Variants in TLL2 observed in about 807,000 individuals in gnomAD.
The protein encoded by TLL2 is tolloid-like protein 2.
In TLL2, 106 loss-of-function variants were observed where a neutral mutation model predicts 123.0. The observed-to-expected ratio is 0.86, with a 90% CI of 0.74 to 1.01. The LOEUF is 1.01. TLL2 is among the 50% of genes least tolerant of loss of function. TLL2 has a pLI of 0.00. For synonymous variants in TLL2, 494 were observed against 516.8 expected, an observed-to-expected ratio of 0.96 and a Z score of 0.60; for missense variants, 1,332 against 1,336.7, an observed-to-expected ratio of 1.00 and a Z score of 0.06.
At position 96,431,794 on chromosome 10, in the gene TLL2, G is replaced by A. The variant is rs145632774; in HGVS notation, c.520+1013C>T. 1.3e-4 allele frequency among the ~76,000 whole-genome samples: 20 copies of A among 152,312 alleles called. No individual in the cohort carries two copies. In the East Asian group the frequency reaches 3.9e-3, roughly 29 times the overall value. ...AGGGTCTGGGGACAGGGAGGCGCTG[G>A]TGGGGGGAGGGCAGAAGGCCTTCCT... On this transcript the variant is annotated intron_variant, in intron 4 of 20. Coordinates refer to ENST00000357947, the MANE Select transcript of TLL2 (RefSeq NM_012465.4).
chr10:96,375,408 A>G (rs1162300908), intron 18 of TLL2: 1 of 152,190 alleles, frequency 6.6e-6, no homozygotes, highest in Non-Finnish European at 1.5e-5. Context: ...AGCCTCGGGC[A>G]AACGCTTCCC....
At chr10:96,386,853 C>A in intron 14 of TLL2, 100 bp downstream of exon 14, 1 of 1,544,938 alleles carries the variant, frequency 6.5e-7, no homozygotes, top group Non-Finnish European at 8.9e-7. Flanking sequence ...CATTGCCCAT[C>A]GTTCCTACAC....
chr10:96,386,786 C>T (rs1469458651), intron 14 of TLL2, among the ~76,000 whole-genome samples, 167 bp downstream of exon 14: 1 of 152,224 alleles, frequency 6.6e-6, no homozygotes. Flanking sequence ...ACATTTGTGA[C>T]AGCTGTCAGG....
chr10:96,476,473 G>A (rs1847253278), intron 2 of TLL2, among the ~76,000 whole-genome samples: 1 of 151,204 alleles, frequency 6.6e-6, no homozygotes, highest in Non-Finnish European at 1.5e-5. Context: ...TGTTGGCCAG[G>A]CTGGTCTTGA....
chr10:96,502,301 C>T (rs1007880512), intron 1 of TLL2, among the ~76,000 whole-genome samples: 6 of 152,266 alleles, frequency 3.9e-5, no homozygotes, highest in Admixed American at 6.5e-5. Flanking sequence ...ATTAAAGGAT[C>T]CTAAGCAGGT....
chr10:96,423,084 C>T (rs1469626298), intron 5 of TLL2, among the ~76,000 whole-genome samples: 3 of 147,494 alleles, frequency 2.0e-5, no homozygotes, highest in Admixed American at 6.9e-5. Context: ...GCCAAGATCA[C>T]GCCACTGCAC....
intron 16 of TLL2, among the ~76,000 whole-genome samples, chr10:96,379,860 C>T (rs1470174576): frequency 5.9e-5 from 9 of 152,198 alleles, no homozygotes; most frequent in Admixed American, 2.6e-4. Flanking sequence ...AGGAAACTGA[C>T]GCTGAGAATG....
At position 96,373,739 on chromosome 10, in the gene TLL2, G is replaced by A. The variant is rs748097625; in HGVS notation, c.2519C>T (p.Pro840Leu). The A allele has an allele frequency of 2.3e-5, 37 of 1,614,108 alleles. No individual in the cohort carries two copies. The highest frequency in any genetic ancestry group is 1.7e-5 in the Admixed American group (1 of 60,014). Residue 840 changes from proline to leucine, a missense_variant, in exon 19 of 21, where the codon CCG becomes CTG. Physicochemically the swap from Pro to Leu is moderately conservative, Grantham distance 98. Transcript: ENST00000357947. ...GCCCAGAATGGGGGCCAGGCTGTCC[G>A]GCCCGTCATACATTTCCAGGTGGTC... ...AYDHLEMYDG[P>L]DSLAPILGRF...
At chr10:96,398,810 G>A (rs1846363642) in intron 10 of TLL2, among the ~76,000 whole-genome samples, 1 of 152,052 alleles carries the variant, frequency 6.6e-6, no homozygotes, top group Admixed American at 6.6e-5. Context: ...GGGGGCAATG[G>A]GGAATGGGAA....
chr10:96,384,166 G>T (rs1846209117), intron 16 of TLL2, among the ~76,000 whole-genome samples: 1 of 152,156 alleles, frequency 6.6e-6, no homozygotes, highest in Non-Finnish European at 1.5e-5. Context: ...AAGGGCATGT[G>T]AAGATGGAGA....
chr10:96,386,896 C>T (rs145639873), intron 14 of TLL2, 57 bp downstream of exon 14: 38 of 1,597,446 alleles, frequency 2.4e-5, no homozygotes, highest in Admixed American at 5.0e-5. Context: ...TGCCCCACTT[C>T]CCCAAAGACT....
intron 1 of TLL2, among the ~76,000 whole-genome samples, chr10:96,494,272 G>A (rs1452969881): frequency 6.6e-6 from 1 of 152,188 alleles, no homozygotes; most frequent in Admixed American, 6.5e-5. Flanking sequence ...GGGAGACTTC[G>A]AGCCAGGCAG....
rs552129166 is a variant in TLL2, at chr10:96,388,985, T to C, written c.1727-1907A>G. Among the ~76,000 whole-genome samples the C allele has an allele frequency of 7.9e-5, 12 of 152,326 alleles. 1 individual carries two copies. In the South Asian group the frequency reaches 2.3e-3, roughly 29 times the overall value. On this transcript the variant is annotated intron_variant, in intron 13 of 20. Transcript: ENST00000357947. ...GAAGTTGCCCATCGCCTCAAATAAA[T>C]GTAAGTAATAAGTATGCTAAAATAG...
Position 96,370,057 on chromosome 10 carries a change from G to A in TLL2, c.2913+8C>T, listed in dbSNP as rs1179147251. 6.4e-7 allele frequency: 1 copy of A among 1,573,638 alleles called. No individual in the cohort carries two copies. Among genetic ancestry groups the A allele is most frequent in the South Asian group, 1.2e-5 (1 of 84,714 alleles). On this transcript the variant is annotated splice_region_variant and intron_variant, in intron 20 of 20. Transcript: ENST00000357947. ...CTCTGCCCCGGCCCCAGCGTCTCCG[G>A]GACTTACCCCAGAGCCACAGAAGCG...
intron 2 of TLL2, among the ~76,000 whole-genome samples, chr10:96,446,506 A>G (rs551587235): frequency 2.0e-5 from 3 of 151,078 alleles, no homozygotes; most frequent in Non-Finnish European, 4.4e-5. Context: ...CCCCACCTCC[A>G]TAAGAAAGGC....
In TLL2 at chr10:96,428,636, G is replaced by GAACTTTCA. The variant is rs1414867074; in HGVS notation, c.632_633insTGAAAGTT (p.Cys212GlufsTer71). 30 of 1,611,100 alleles carry GAACTTTCA rather than the reference G, an allele frequency of 1.9e-5. No individual in the cohort carries two copies. The highest frequency in any genetic ancestry group is 2.5e-5 in the Non-Finnish European group (30 of 1,177,774). On this transcript the variant is annotated frameshift_variant, in exon 5 of 21. Coordinates refer to ENST00000357947, the MANE Select transcript of TLL2 (RefSeq NM_012465.4). LOFTEE classifies it high-confidence loss of function. The stretch of plus-strand genomic sequence containing the variant: ...CCTCGCTTTCGTTTACTTACCCACA[G>GAACTTTCA]GTTCTGTAACTGAATACAATAAAGC...
chr10:96,505,624 C>A (rs1194388332), intron 1 of TLL2, among the ~76,000 whole-genome samples: 1 of 152,154 alleles, frequency 6.6e-6, no homozygotes, highest in African/African-American at 2.4e-5. Context: ...TTGCCTACAG[C>A]CGTGGAGTGG....
chr10:96,412,682 C>CAA lies in TLL2; in HGVS notation c.1048+508_1048+509dup, dbSNP rs1846518520. On this transcript the variant is annotated intron_variant, in intron 8 of 20. Coordinates refer to ENST00000357947, the MANE Select transcript of TLL2 (RefSeq NM_012465.4). ...AGGATGGCCAGGAAAGCCCCAAGAC[C>CAA]AAAGCAACAAGCTCATTAATAGCAC... 3.9e-5 allele frequency among the ~76,000 whole-genome samples: 6 copies of CAA among 152,146 alleles called. 2 individuals are homozygous for CAA. In the South Asian group the frequency reaches 1.2e-3, roughly 32 times the overall value.
At chr10:96,383,267 T>C (rs1185267371) in intron 16 of TLL2, among the ~76,000 whole-genome samples, 2 of 152,210 alleles carry the variant, frequency 1.3e-5, no homozygotes, top group East Asian at 1.9e-4. Flanking sequence ...TGTGCTGCTG[T>C]AGTGGGTTTA....
Sources: allele counts gnomAD v4.1 joint callset (sites outside exome capture counted in the v4.1 genomes callset), GRCh38; gene constraint gnomAD v4.1.1; transcripts MANE v1.5; gene names NCBI Gene and HGNC (gene_info 2026-07-23, HGNC 2026-07-21).